Variants in IPMK observed in about 807,000 individuals in gnomAD.
IPMK encodes the protein inositol polyphosphate multikinase.
A neutral mutation model predicts 45.8 loss-of-function variants in IPMK; 17 were observed. That is an observed-to-expected ratio of 0.37 (90% CI 0.25 to 0.56). IPMK has a LOEUF of 0.56. IPMK is among the 20% of genes least tolerant of loss of function. The probability of loss-of-function intolerance (pLI) is 0.79; values close to 1 mark genes in which losing one functional copy is unlikely to be tolerated. For missense variants in IPMK, 399 were observed against 498.0 expected (o/e 0.80, Z 1.89); for synonymous variants, 180 against 184.3 (o/e 0.98, Z 0.19).
At chr10:58,261,426 G>A (rs988057795) in intron 1 of IPMK, among the ~76,000 whole-genome samples, 3 of 151,716 alleles carry the variant, frequency 2.0e-5, no homozygotes, top group African/African-American at 7.3e-5. Flanking sequence ...AATGTTATAA[G>A]CTTTCAAATA....
At chr10:58,232,114 T>A (rs1467012553) in intron 2 of IPMK, among the ~76,000 whole-genome samples, 1 of 152,120 alleles carries the variant, frequency 6.6e-6, no homozygotes, top group Non-Finnish European at 1.5e-5. Flanking sequence ...GATCACTCAA[T>A]TCAACAAGAA....
chr10:58,216,712 T>A (rs1162822701), intron 3 of IPMK, among the ~76,000 whole-genome samples: 2 of 152,184 alleles, frequency 1.3e-5, no homozygotes, highest in Non-Finnish European at 2.9e-5. Flanking sequence ...TTGATTCATT[T>A]AAAATTAGTA....
chr10:58,241,995 T>C (rs1838702271), intron 1 of IPMK, among the ~76,000 whole-genome samples: 1 of 151,818 alleles, frequency 6.6e-6, no homozygotes, highest in Non-Finnish European at 1.5e-5. Context: ...GGTATAATCA[T>C]TTCAGTAACA....
At chr10:58,237,095 T>C (rs767246034) in intron 2 of IPMK, among the ~76,000 whole-genome samples, 8 of 152,030 alleles carry the variant, frequency 5.3e-5, no homozygotes, top group Non-Finnish European at 8.8e-5. Context: ...AAAATCAAAC[T>C]AGAAAAGATG....
chr10:58,197,344 C>CATACAT (rs56736647), intron 5 of IPMK, among the ~76,000 whole-genome samples: 2 of 148,074 alleles, frequency 1.4e-5, no homozygotes, highest in African/African-American at 5.0e-5. Flanking sequence ...AATACATAAA[C>CATACAT]ACATAAATAA....
chr10:58,202,337 A>C (rs1363131346), intron 4 of IPMK, among the ~76,000 whole-genome samples: 1 of 152,150 alleles, frequency 6.6e-6, no homozygotes, highest in Non-Finnish European at 1.5e-5. Context: ...GGTGACTTTA[A>C]GTTGAAGCCA....
At chr10:58,243,521 C>T (rs115210885) in intron 1 of IPMK, among the ~76,000 whole-genome samples, 31 of 152,200 alleles carry the variant, frequency 2.0e-4, no homozygotes, top group South Asian at 1.0e-3. Flanking sequence ...AGGCACGTGC[C>T]GCCACTCCTG....
intron 1 of IPMK, 87 bp downstream of exon 1, chr10:58,267,335 A>G (rs1588976932): frequency 2.9e-6 from 4 of 1,358,584 alleles, no homozygotes; most frequent in East Asian, 4.7e-5. Context: ...GCGTCCAGGC[A>G]GGCCCGAGAG....
chr10:58,229,740 G>A (rs1020335357), intron 2 of IPMK, among the ~76,000 whole-genome samples: 5 of 152,080 alleles, frequency 3.3e-5, no homozygotes, highest in Non-Finnish European at 7.4e-5. Context: ...TTCCAAGATG[G>A]TCGAATAGGA....
At chr10:58,248,275 TA>T (rs1429023437) in intron 1 of IPMK, among the ~76,000 whole-genome samples, 2 of 152,030 alleles carry the variant, frequency 1.3e-5, no homozygotes, top group Non-Finnish European at 2.9e-5. Flanking sequence ...TGCATGTAAT[TA>T]AGAATACTGT....
At chr10:58,233,808 T>C (rs1838564995) in intron 2 of IPMK, among the ~76,000 whole-genome samples, 1 of 152,006 alleles carries the variant, frequency 6.6e-6, no homozygotes, top group Non-Finnish European at 1.5e-5. Flanking sequence ...GTGTTGGGAG[T>C]TCTGGCCAGG....
At chr10:58,266,500 T>G (rs1420053665) in intron 1 of IPMK, among the ~76,000 whole-genome samples, 1 of 152,180 alleles carries the variant, frequency 6.6e-6, no homozygotes, top group Non-Finnish European at 1.5e-5. Flanking sequence ...AGTCACCTCG[T>G]CTAAAAATGT....
intron 4 of IPMK, among the ~76,000 whole-genome samples, chr10:58,202,883 T>C (rs1454824202): frequency 2.0e-5 from 3 of 152,234 alleles, no homozygotes; most frequent in Non-Finnish European, 2.9e-5. Flanking sequence ...ATTGTTTTCA[T>C]GCCTGCTAAT....
At chr10:58,205,619 G>A (rs1399605874) in intron 4 of IPMK, among the ~76,000 whole-genome samples, 1 of 152,146 alleles carries the variant, frequency 6.6e-6, no homozygotes, top group African/African-American at 2.4e-5. Flanking sequence ...TGGGAACTAA[G>A]CTATGAGTAA....
At chr10:58,241,923 C>G (rs552389846) in intron 1 of IPMK, among the ~76,000 whole-genome samples, 1 of 151,760 alleles carries the variant, frequency 6.6e-6, no homozygotes, top group Non-Finnish European at 1.5e-5. Flanking sequence ...ACAATACTTA[C>G]ATTTATCTCA....
chr10:58,222,336 T>G (rs1289968063), intron 3 of IPMK, among the ~76,000 whole-genome samples: 1 of 152,206 alleles, frequency 6.6e-6, no homozygotes, highest in African/African-American at 2.4e-5. Flanking sequence ...AGGCAGAATT[T>G]TGAATATTAG....
chr10:58,200,050 A>G (rs1162557963), intron 4 of IPMK, among the ~76,000 whole-genome samples: 2 of 152,246 alleles, frequency 1.3e-5, no homozygotes, highest in Non-Finnish European at 2.9e-5. Context: ...AAGATTCAGC[A>G]TAATAAACTA....
At chr10:58,222,524 A>G (rs1225307469) in intron 3 of IPMK, among the ~76,000 whole-genome samples, 1 of 152,206 alleles carries the variant, frequency 6.6e-6, no homozygotes, top group East Asian at 1.9e-4. Context: ...TAAGACAGAG[A>G]GTCTGTAAAG....
intron 1 of IPMK, among the ~76,000 whole-genome samples, chr10:58,251,091 A>G (rs372073507): frequency 4.1e-4 from 63 of 152,162 alleles, no homozygotes; most frequent in African/African-American, 1.4e-3. Context: ...ATGCATCATT[A>G]GGTTATTTGA....
Sources: allele counts gnomAD v4.1 joint callset (sites outside exome capture counted in the v4.1 genomes callset), GRCh38; gene constraint gnomAD v4.1.1; transcripts MANE v1.5; gene names NCBI Gene and HGNC (gene_info 2026-07-23, HGNC 2026-07-21).